TENM4: variants seen among roughly 807,000 people sequenced by gnomAD.
TENM4 encodes the protein teneurin-4.
Under a neutral mutation model 243.3 loss-of-function variants are expected in TENM4, and 82 were observed. The observed-to-expected ratio is 0.34, with a 90% CI of 0.28 to 0.40. The LOEUF is 0.40. TENM4 is among the 10% of genes least tolerant of loss of function. The pLI is 1.00. For missense variants in TENM4, 3,138 were observed against 3,673.3 expected, an observed-to-expected ratio of 0.85 and a Z score of 3.77; for synonymous variants, 1,412 against 1,456.3, an observed-to-expected ratio of 0.97 and a Z score of 0.69.
chr11:78,988,282 G>C (rs1045083509), intron 6 of TENM4, among the ~76,000 whole-genome samples: 1 of 152,180 alleles, frequency 6.6e-6, no homozygotes, highest in Admixed American at 6.5e-5. Context: ...CTGTGTGAGT[G>C]AGCTACCTTA....
intron 20 of TENM4, among the ~76,000 whole-genome samples, chr11:78,734,041 G>C (rs1241326713): frequency 6.6e-6 from 1 of 151,956 alleles, no homozygotes; most frequent in African/African-American, 2.4e-5. Flanking sequence ...ATACAAAAGT[G>C]ATGTGAACTA....
At chr11:78,926,013 AC>A (rs1170294120) in intron 6 of TENM4, among the ~76,000 whole-genome samples, 4 of 152,036 alleles carry the variant, frequency 2.6e-5, no homozygotes, top group African/African-American at 9.7e-5. Context: ...ACCAATGACT[AC>A]CTATTTAACA....
At chr11:78,768,217 C>T (rs1363784598) in intron 18 of TENM4, among the ~76,000 whole-genome samples, 1 of 152,244 alleles carries the variant, frequency 6.6e-6, no homozygotes, top group African/African-American at 2.4e-5. Flanking sequence ...AGTGGGTGGA[C>T]AGCCCACTGA....
rs1282172328 is a variant in TENM4, at chr11:78,756,903, C to T, written c.2658G>A (p.Val886=). The change falls in exon 19 of 34, where the codon GTG becomes GTA. Residue 886 remains valine (V), a synonymous_variant. Coordinates refer to ENST00000278550, the MANE Select transcript of TENM4 (RefSeq NM_001098816.3). ...LDIIQETQVP[V]SQQNLHSFYD... is the part of the protein sequence containing the mutation. ...AGAAGGAGTGTAGGTTCTGCTGTGA[C>T]ACAGGGACCTGTGTCTCCTGGATGA... is the stretch of plus-strand genomic sequence containing the variant. 1 of 1,613,792 alleles carries T rather than the reference C, an allele frequency of 6.2e-7. No individual in the cohort carries two copies. The highest frequency in any genetic ancestry group is 2.2e-5 in the East Asian group (1 of 44,872).
intron 3 of TENM4, among the ~76,000 whole-genome samples, chr11:79,192,027 G>A (rs1286936233): frequency 1.3e-5 from 2 of 151,562 alleles, no homozygotes; most frequent in African/African-American, 4.8e-5. Context: ...ACTGGGAAGT[G>A]AGGAGCCCCT....
intron 1 of TENM4, among the ~76,000 whole-genome samples, chr11:79,405,847 CAAAAAAAAA>C (rs763128589): frequency 2.5e-4 from 17 of 69,262 alleles, no homozygotes; most frequent in African/African-American, 6.7e-4. Context: ...ATTGTGATTT[CAAAAAAAAA>C]AAAAAAAAAA....
At chr11:78,927,638 C>A (rs1399117034) in intron 6 of TENM4, among the ~76,000 whole-genome samples, 1 of 152,168 alleles carries the variant, frequency 6.6e-6, no homozygotes, top group Non-Finnish European at 1.5e-5. Context: ...TTATTCAACC[C>A]AGACACACAT....
intron 29 of TENM4, among the ~76,000 whole-genome samples, chr11:78,684,374 C>A (rs567423181): frequency 6.6e-6 from 1 of 152,222 alleles, no homozygotes; most frequent in African/African-American, 2.4e-5. Flanking sequence ...TGAGTGAGAT[C>A]ATGAATATGA....
At chr11:79,347,524 G>A (rs989652858) in intron 1 of TENM4, among the ~76,000 whole-genome samples, 8 of 152,266 alleles carry the variant, frequency 5.3e-5, no homozygotes, top group Middle Eastern at 3.4e-3. Flanking sequence ...TGGGGGCTCA[G>A]TGCCTCCCCA....
chr11:79,164,846 T>C (rs1178058247), intron 3 of TENM4, among the ~76,000 whole-genome samples: 2 of 151,868 alleles, frequency 1.3e-5, no homozygotes, highest in East Asian at 3.9e-4. Flanking sequence ...GTGCCATGAT[T>C]CTGAGGCCTC....
intron 6 of TENM4, among the ~76,000 whole-genome samples, chr11:79,004,007 A>C (rs1282933909): frequency 6.6e-6 from 1 of 151,806 alleles, no homozygotes; most frequent in Non-Finnish European, 1.5e-5. Context: ...AAAAAAAAAA[A>C]CAGACTTTAA....
chr11:79,048,774 G>A (rs1182911422), intron 6 of TENM4, among the ~76,000 whole-genome samples: 5 of 152,036 alleles, frequency 3.3e-5, no homozygotes, highest in African/African-American at 7.2e-5. Context: ...TCTATCAAAC[G>A]GGGATCCTGA....
chr11:79,407,466 A>G (rs532786412), intron 1 of TENM4, among the ~76,000 whole-genome samples: 1 of 152,358 alleles, frequency 6.6e-6, no homozygotes, highest in South Asian at 2.1e-4. Context: ...TCCTGACTCA[A>G]TACTCACAAG....
intron 27 of TENM4, among the ~76,000 whole-genome samples, chr11:78,706,320 TG>T (rs1272410699): frequency 3.9e-5 from 6 of 152,220 alleles, no homozygotes; most frequent in African/African-American, 1.2e-4. Flanking sequence ...CTCTGCTCTG[TG>T]CCTCTCTCTT....
intron 1 of TENM4, among the ~76,000 whole-genome samples, chr11:79,396,420 C>T (rs912008000): frequency 1.1e-4 from 16 of 152,164 alleles, no homozygotes; most frequent in African/African-American, 3.6e-4. Context: ...AAATATCACA[C>T]AAAATTGGGC....
At position 79,438,134 on chromosome 11, in the gene TENM4, C is replaced by A. The variant is rs1859317044; in HGVS notation, c.-321+2375G>T. Among the ~76,000 whole-genome samples, 1 of 152,142 alleles carries A rather than the reference C, an allele frequency of 6.6e-6. No individual in the cohort carries two copies. The highest frequency in any genetic ancestry group is 2.4e-5 in the African/African-American group (1 of 41,418). Reference sequence around the variant, plus strand: ...AAAAACAAAACACTCCCCACCCATGCACATCACCATCTCCTGACTGCGGGC... The same window carrying A: ...AAAAACAAAACACTCCCCACCCATGAACATCACCATCTCCTGACTGCGGGC... On this transcript the variant is annotated intron_variant, in intron 1 of 33. Coordinates refer to ENST00000278550, the MANE Select transcript of TENM4 (RefSeq NM_001098816.3). This position sits in a 1 kb window ranked among gnomAD's most constrained non-coding sequence, Gnocchi z 4.1.
chr11:79,375,312 AAAG>A (rs941201418), intron 1 of TENM4, among the ~76,000 whole-genome samples: 2 of 152,222 alleles, frequency 1.3e-5, no homozygotes, highest in African/African-American at 4.8e-5. Context: ...AATTTGGAAA[AAAG>A]AAAAAAGTAG....
intron 2 of TENM4, among the ~76,000 whole-genome samples, chr11:79,261,387 T>C (rs574077420): frequency 6.6e-6 from 1 of 152,292 alleles, no homozygotes; most frequent in African/African-American, 2.4e-5. Flanking sequence ...ACAAACTCTG[T>C]TCCCGGTCCC....
At chr11:79,423,406 T>C (rs962476335) in intron 1 of TENM4, among the ~76,000 whole-genome samples, 1 of 152,138 alleles carries the variant, frequency 6.6e-6, no homozygotes, top group Non-Finnish European at 1.5e-5. Flanking sequence ...GTCTGACTCG[T>C]AGCCTGTGCT....
Sources: allele counts gnomAD v4.1 joint callset (sites outside exome capture counted in the v4.1 genomes callset), GRCh38; gene constraint gnomAD v4.1.1; non-coding constraint Gnocchi (gnomAD v3.1); transcripts MANE v1.5; gene names NCBI Gene and HGNC (gene_info 2026-07-23, HGNC 2026-07-21).